NCOA2: variants seen among roughly 807,000 people sequenced by gnomAD.
NCOA2 encodes nuclear receptor coactivator 2, also known as class E basic helix-loop-helix protein 75.
NCOA2 carries 21 observed loss-of-function variants against 145.1 expected under a neutral mutation model. The ratio of observed to expected loss-of-function variants is 0.14; its 90% CI spans 0.10 to 0.21. The LOEUF (loss-of-function observed/expected upper bound fraction) is 0.21, where lower values mean the gene tolerates loss of function less well. NCOA2 is among the 10% of genes least tolerant of loss of function. The pLI is 1.00. For missense variants in NCOA2, 1,472 were observed against 1,837.6 expected, an observed-to-expected ratio of 0.80 and a Z score of 3.64; for synonymous variants, 619 against 637.5, an observed-to-expected ratio of 0.97 and a Z score of 0.44.
chr8:70,232,086 G>A (rs1310103386), intron 2 of NCOA2, among the ~76,000 whole-genome samples: 1 of 152,052 alleles, frequency 6.6e-6, no homozygotes, highest in Non-Finnish European at 1.5e-5. Context: ...TTGTTATTAC[G>A]CAGTACTGTT....
At chr8:70,268,503 C>A (rs1475504629) in intron 2 of NCOA2, among the ~76,000 whole-genome samples, 1 of 152,016 alleles carries the variant, frequency 6.6e-6, no homozygotes, top group Non-Finnish European at 1.5e-5. Flanking sequence ...GACTATTTTT[C>A]CCTTTATTTT....
chr8:70,179,375 C>A (rs113516594), intron 4 of NCOA2, among the ~76,000 whole-genome samples: 7 of 152,120 alleles, frequency 4.6e-5, no homozygotes, highest in Admixed American at 3.3e-4. Flanking sequence ...GTAATTACTA[C>A]CTCTGTTGAA....
At chr8:70,437,200 C>T in the NCOA2 span, among the ~76,000 whole-genome samples, 1 of 152,198 alleles carries the variant, frequency 6.6e-6, no homozygotes, top group African/African-American at 2.4e-5. Flanking sequence ...CTATGTAACT[C>T]CTAATTATCC....
In NCOA2 at chr8:70,321,792, C is replaced by CTTTTTTTTTTTTTTTT. The variant is rs1563762022; in HGVS notation, c.-76-24993_-76-24992insAAAAAAAAAAAAAAAA. Among the ~76,000 whole-genome samples, 2 of 97,528 alleles carry CTTTTTTTTTTTTTTTT rather than the reference C, an allele frequency of 2.1e-5. 1 individual carries two copies. 64.0% of individuals were successfully genotyped at this position (97,528 alleles called of 152,430 possible). On this transcript the variant is annotated intron_variant, in intron 1 of 22. Transcript: ENST00000452400. ...ATGCTTTCCTAAGTTTCAGAATATACCTTTTTTTTTTTTTTTTTTTTTTTT... is the reference window on the plus strand; with the variant it reads ...ATGCTTTCCTAAGTTTCAGAATATACTTTTTTTTTTTTTTTTCTTTTTTTTTTTTTTTTTTTTTTTT...
the NCOA2 span, among the ~76,000 whole-genome samples, chr8:70,430,642 A>G: frequency 6.6e-5 from 10 of 152,178 alleles, no homozygotes; most frequent in Non-Finnish European, 4.4e-5. Flanking sequence ...ATTACGTTTA[A>G]TAATCTGTAA....
At chr8:70,275,538 G>A (rs892184044) in intron 2 of NCOA2, among the ~76,000 whole-genome samples, 1 of 151,756 alleles carries the variant, frequency 6.6e-6, no homozygotes, top group African/African-American at 2.4e-5. Context: ...TTATATGTAG[G>A]AATCTGATAC....
chr8:70,264,245 C>T (rs1244068445), intron 2 of NCOA2, among the ~76,000 whole-genome samples: 1 of 150,018 alleles, frequency 6.7e-6, no homozygotes, highest in African/African-American at 2.5e-5. Flanking sequence ...TGACTGAGTG[C>T]AGTGGCTCAT....
intron 2 of NCOA2, among the ~76,000 whole-genome samples, chr8:70,235,662 G>C (rs369401428): frequency 2.0e-5 from 3 of 151,942 alleles, no homozygotes; most frequent in Non-Finnish European, 4.4e-5. Context: ...TGGGCAACAA[G>C]ACAAGACCTT....
At chr8:70,413,962 A>G in the NCOA2 span, among the ~76,000 whole-genome samples, 1 of 152,188 alleles carries the variant, frequency 6.6e-6, no homozygotes, top group South Asian at 2.1e-4. Flanking sequence ...AAGCTCTTAA[A>G]CCGAGTGGTA....
At chr8:70,424,963 T>C in the NCOA2 span, among the ~76,000 whole-genome samples, 1 of 152,194 alleles carries the variant, frequency 6.6e-6, no homozygotes, top group Admixed American at 6.5e-5. Flanking sequence ...ATGTCCAGGC[T>C]GCTGAAGTGA....
At chr8:70,317,509 T>C (rs1805695725) in intron 1 of NCOA2, among the ~76,000 whole-genome samples, 2 of 152,172 alleles carry the variant, frequency 1.3e-5, no homozygotes, top group African/African-American at 4.8e-5. Context: ...ACATAAAAAA[T>C]GAGATCCTTA....
chr8:70,200,027 C>G (rs1457384566), intron 4 of NCOA2, among the ~76,000 whole-genome samples: 1 of 152,088 alleles, frequency 6.6e-6, no homozygotes, highest in Admixed American at 6.5e-5. Flanking sequence ...GTCATTATTC[C>G]CTAAACAATA....
intron 2 of NCOA2, among the ~76,000 whole-genome samples, chr8:70,290,796 T>C (rs942711462): frequency 6.6e-6 from 1 of 151,704 alleles, no homozygotes; most frequent in African/African-American, 2.4e-5. Context: ...AAATAACATG[T>C]ATGAATTTCA....
At chr8:70,147,110 T>TCGCGCGCGCG (rs71758835) in intron 12 of NCOA2, among the ~76,000 whole-genome samples, 3 of 149,480 alleles carry the variant, frequency 2.0e-5, no homozygotes, top group African/African-American at 7.5e-5. Context: ...TGCAAATCTT[T>TCGCGCGCGCG]CGCGCGCGCG....
intron 2 of NCOA2, among the ~76,000 whole-genome samples, chr8:70,284,890 C>CA (rs1826133196): frequency 6.6e-6 from 1 of 151,984 alleles, no homozygotes; most frequent in Non-Finnish European, 1.5e-5. Context: ...TATCTCAACA[C>CA]AAAAACCACA....
chr8:70,260,863 A>C (rs1277378593), intron 2 of NCOA2, among the ~76,000 whole-genome samples: 6 of 152,318 alleles, frequency 3.9e-5, no homozygotes, highest in African/African-American at 9.6e-5. Flanking sequence ...GCTCACCATC[A>C]CTGGCCATCA....
the NCOA2 span, among the ~76,000 whole-genome samples, chr8:70,415,467 AG>A: frequency 4.6e-5 from 7 of 152,370 alleles, no homozygotes; most frequent in Middle Eastern, 3.4e-3. Flanking sequence ...GAAAACCCTT[AG>A]AATACGATAG....
Position 70,214,012 on chromosome 8 carries a change from T to C in NCOA2, c.150A>G (p.Ala50=). 6.2e-7 allele frequency: 1 copy of C among 1,612,774 alleles called. No homozygotes were observed. The highest frequency in any genetic ancestry group is 8.5e-7 in the Non-Finnish European group (1 of 1,179,552). Residue 50 remains alanine (A), a synonymous_variant, in exon 4 of 23, where the codon GCA becomes GCG. Transcript: ENST00000452400. Reference sequence around the variant, plus strand: ...CATTAAAATTTGCAAAAATCAACTCTGCAAGTTCTTCTATATATTTATTTT... The same window carrying C: ...CATTAAAATTTGCAAAAATCAACTCCGCAAGTTCTTCTATATATTTATTTT... ...EQENKYIEEL[A]ELIFANFNDI...
At chr8:70,334,890 C>T (rs540466650) in intron 1 of NCOA2, among the ~76,000 whole-genome samples, 3 of 151,912 alleles carry the variant, frequency 2.0e-5, no homozygotes, top group East Asian at 1.9e-4. Flanking sequence ...TTTGGGAGGC[C>T]GAGGTGGCGG....
Sources: gnomAD v4.1 joint callset for allele counts (sites outside exome capture counted in the v4.1 genomes callset) on GRCh38, gnomAD v4.1.1 for gene constraint, MANE v1.5 for transcripts, NCBI Gene and HGNC (gene_info 2026-07-23, HGNC 2026-07-21) for gene names.